The following CNBD1 variants were observed in gnomAD, a reference collection of about 807,000 sequenced individuals.
CNBD1 encodes the protein cyclic nucleotide-binding domain-containing protein 1.
Under a neutral mutation model 54.4 loss-of-function variants are expected in CNBD1, and 71 were observed. The observed-to-expected ratio is 1.30, with a 90% CI of 1.08 to 1.59. The LOEUF (loss-of-function observed/expected upper bound fraction) is 1.59. Ranked by LOEUF, CNBD1 falls within the 40% of genes most tolerant of loss-of-function variation. The pLI, the probability that CNBD1 is intolerant of heterozygous loss-of-function variation, is 0.00. For synonymous variants in CNBD1, 182 were observed against 170.7 expected, an observed-to-expected ratio of 1.07 and a Z score of -0.51; for missense variants, 659 against 518.0, an observed-to-expected ratio of 1.27 and a Z score of -2.64.
intron 2 of CNBD1, among the ~76,000 whole-genome samples, chr8:87,391,008 G>A (rs532333039): frequency 6.1e-4 from 92 of 151,244 alleles, no homozygotes; most frequent in Non-Finnish European, 1.1e-3. Flanking sequence ...ACCAAACACC[G>A]CATGTTCTCA....
chr8:86,947,121 C>G (rs184413816), intron 4 of CNBD1, among the ~76,000 whole-genome samples: 332 of 152,206 alleles, frequency 2.2e-3, no homozygotes, highest in African/African-American at 7.6e-3. Flanking sequence ...AACCCTGGGT[C>G]TATCTGCAGA....
Position 87,080,765 on chromosome 8 carries a change from G to C in CNBD1, c.432-125228G>C, listed in dbSNP as rs114377373. Among the ~76,000 whole-genome samples the C allele has an allele frequency of 4.1e-3, 629 of 152,118 alleles. 2 individuals carry two copies. The highest frequency in any genetic ancestry group is 0.014 in the African/African-American group (595 of 41,516). On this transcript the variant is annotated intron_variant, in intron 4 of 10. Transcript: ENST00000518476. ...GATATTGGACTATATACTTCTCTGA[G>C]CTAAGGTAGTTTGAGTCTTTCATTA...
intron 8 of CNBD1, among the ~76,000 whole-genome samples, chr8:87,303,367 A>C (rs1809058288): frequency 6.6e-6 from 1 of 152,032 alleles, no homozygotes; most frequent in African/African-American, 2.4e-5. Flanking sequence ...GACAAATCTG[A>C]GAAAAACAAG....
At chr8:87,233,096 A>C (rs1380761548) in intron 5 of CNBD1, among the ~76,000 whole-genome samples, 1 of 152,132 alleles carries the variant, frequency 6.6e-6, no homozygotes, top group African/African-American at 2.4e-5. Context: ...TAGTAACTAC[A>C]ACAACATAAA....
At chr8:87,319,848 G>T (rs932131295) in intron 8 of CNBD1, among the ~76,000 whole-genome samples, 9 of 151,988 alleles carry the variant, frequency 5.9e-5, no homozygotes, top group Non-Finnish European at 1.0e-4. Context: ...AGTGATAAAG[G>T]TAATGTGTAT....
At position 87,237,003 on chromosome 8, in the gene CNBD1, G is replaced by A. The variant is rs1261374602; in HGVS notation, c.662G>A (p.Ser221Asn). 1.9e-6 allele frequency: 3 copies of A among 1,611,948 alleles called. No individual in the cohort carries two copies. Among genetic ancestry groups the A allele is most frequent in the Middle Eastern group, 1.6e-4 (1 of 6,078 alleles). The change falls in exon 6 of 11, where the codon AGT becomes AAT. Residue 221 changes from serine (S) to asparagine (N), a missense_variant. Physicochemically the swap from Ser to Asn is conservative, Grantham distance 46. Coordinates refer to ENST00000518476, the MANE Select transcript of CNBD1 (RefSeq NM_173538.3). ...GTGTATAAAAATCTGATTGAAGGAAGTGATTCACCAGACTCGTTCATATCT... is the reference window on the plus strand; with the variant it reads ...GTGTATAAAAATCTGATTGAAGGAAATGATTCACCAGACTCGTTCATATCT... ...TNVYKNLIEG[S>N]DSPDSFISQS...
Position 86,874,884 on chromosome 8 carries a change from G to A in CNBD1, c.88+8301G>A, listed in dbSNP as rs112000860. 2.3e-3 allele frequency among the ~76,000 whole-genome samples: 351 copies of A among 150,570 alleles called. 3 individuals carry two copies. The highest frequency in any genetic ancestry group is 8.1e-3 in the African/African-American group (332 of 40,954). ...TTTAATGAAAATTTAAGATCTGGGTGCTCTGTGCATCATTGATCTTAGGAT... is the reference window on the plus strand; with the variant it reads ...TTTAATGAAAATTTAAGATCTGGGTACTCTGTGCATCATTGATCTTAGGAT... On this transcript the variant is annotated intron_variant, in intron 1 of 10. Transcript: ENST00000518476.
intron 2 of CNBD1, among the ~76,000 whole-genome samples, chr8:87,389,198 G>A (rs1229583283): frequency 3.9e-5 from 6 of 152,132 alleles, no homozygotes; most frequent in Non-Finnish European, 5.9e-5. Context: ...CACAAGACAG[G>A]GATGCCCTCT....
At chr8:87,175,620 A>G (rs1813181389) in intron 4 of CNBD1, among the ~76,000 whole-genome samples, 1 of 152,122 alleles carries the variant, frequency 6.6e-6, no homozygotes, top group African/African-American at 2.4e-5. Flanking sequence ...AGTCTTCTTT[A>G]TTCTTCCCTT....
At chr8:87,231,535 C>T (rs1478666709) in intron 5 of CNBD1, among the ~76,000 whole-genome samples, 2 of 152,154 alleles carry the variant, frequency 1.3e-5, no homozygotes, top group Non-Finnish European at 1.5e-5. Flanking sequence ...GTGCCTGACT[C>T]ATAGGGTTAT....
At chr8:87,311,773 G>A (rs1270007043) in intron 8 of CNBD1, among the ~76,000 whole-genome samples, 1 of 151,968 alleles carries the variant, frequency 6.6e-6, no homozygotes, top group Non-Finnish European at 1.5e-5. Flanking sequence ...CTATAAAAAA[G>A]AGCAAAATCA....
chr8:87,213,405 C>T (rs546051599), intron 5 of CNBD1, among the ~76,000 whole-genome samples: 1 of 152,284 alleles, frequency 6.6e-6, no homozygotes, highest in African/African-American at 2.4e-5. Flanking sequence ...AATGGACTCA[C>T]AGTTCCACAT....
intron 6 of CNBD1, among the ~76,000 whole-genome samples, chr8:87,267,949 T>C (rs1342279080): frequency 6.6e-6 from 1 of 152,148 alleles, no homozygotes; most frequent in Non-Finnish European, 1.5e-5. Context: ...TTTTGTTTAG[T>C]AGTATTCTGT....
At chr8:87,225,186 C>A (rs1477340922) in intron 5 of CNBD1, among the ~76,000 whole-genome samples, 1 of 149,424 alleles carries the variant, frequency 6.7e-6, no homozygotes, top group Non-Finnish European at 1.5e-5. Context: ...ATGTCATCTG[C>A]AAACAGGGAC....
intron 4 of CNBD1, among the ~76,000 whole-genome samples, chr8:87,117,436 A>G (rs1811798501): frequency 1.3e-5 from 2 of 151,366 alleles, no homozygotes; most frequent in Non-Finnish European, 3.0e-5. Flanking sequence ...CACATCAGAT[A>G]TGGATAATGA....
At chr8:87,205,574 T>G (rs1027957559) in intron 4 of CNBD1, among the ~76,000 whole-genome samples, 1 of 152,186 alleles carries the variant, frequency 6.6e-6, no homozygotes, top group Non-Finnish European at 1.5e-5. Context: ...TTGATCTAAC[T>G]TTAATAGTAC....
intron 4 of CNBD1, among the ~76,000 whole-genome samples, chr8:87,010,338 T>C (rs1330479350): frequency 6.6e-6 from 1 of 152,220 alleles, no homozygotes; most frequent in Non-Finnish European, 1.5e-5. Context: ...CATTGGTCTG[T>C]CTTCCAATTT....
rs780192698 is a variant in CNBD1, at chr8:87,414,966, T to A, written c.214-13580T>A. Among the ~76,000 whole-genome samples the A allele has an allele frequency of 5.3e-5, 8 of 152,046 alleles. No homozygotes were observed. In the East Asian group the frequency reaches 1.2e-3, roughly 22 times the overall value. On this transcript the variant is annotated intron_variant, in intron 2 of 7. Coordinates refer to the CNBD1 transcript ENST00000521593. ...TTATTCCCCTCAGCCCTGAGAGAAA[T>A]GGGTGGCTGGATGCTGCAGATATGT...
At chr8:87,057,143 C>T (rs532376802) in intron 4 of CNBD1, among the ~76,000 whole-genome samples, 12 of 152,292 alleles carry the variant, frequency 7.9e-5, no homozygotes, top group East Asian at 1.9e-4. Context: ...GCCATGTATT[C>T]GTTCGTCCTC....
Sources: gnomAD v4.1 joint callset for allele counts (sites outside exome capture counted in the v4.1 genomes callset) on GRCh38, gnomAD v4.1.1 for gene constraint, MANE v1.5 for transcripts, NCBI Gene and HGNC (gene_info 2026-07-23, HGNC 2026-07-21) for gene names.